The following TTC7B variants were observed in gnomAD, a reference collection of about 807,000 sequenced individuals.
TTC7B encodes the protein tetratricopeptide repeat protein 7B.
In TTC7B, 28 loss-of-function variants were observed where a neutral mutation model predicts 106.8. The ratio of observed to expected loss-of-function variants is 0.26; its 90% CI spans 0.19 to 0.36. TTC7B has a LOEUF of 0.36. Among genes scored for constraint, TTC7B ranks in the 10% least tolerant of loss-of-function variants. The pLI, the probability that TTC7B is intolerant of heterozygous loss-of-function variation, is 1.00. For missense variants in TTC7B, 862 were observed against 1,076.4 expected, an observed-to-expected ratio of 0.80 and a Z score of 2.79; for synonymous variants, 405 against 430.6, an observed-to-expected ratio of 0.94 and a Z score of 0.74.
intron 3 of TTC7B, among the ~76,000 whole-genome samples, chr14:90,749,420 T>C (rs1357753477): frequency 1.8e-5 from 2 of 109,590 alleles, no homozygotes; most frequent in South Asian, 3.0e-4. Context: ...TTTTTTTTTT[T>C]TTGAGACAGA....
intron 3 of TTC7B, among the ~76,000 whole-genome samples, chr14:90,752,055 TGGGACATCACAC>T (rs1330108209): frequency 6.6e-6 from 1 of 152,152 alleles, no homozygotes; most frequent in East Asian, 1.9e-4. Context: ...AGCAGACCAA[TGGGACATCACAC>T]GGGGAGGGGT....
chr14:90,672,847 G>A (rs1478783381), intron 9 of TTC7B, among the ~76,000 whole-genome samples: 1 of 152,218 alleles, frequency 6.6e-6, no homozygotes, highest in South Asian at 2.1e-4. Flanking sequence ...GCAGCATACA[G>A]TTGCCTCTTA....
At chr14:90,553,074 T>A (rs1890154367) in intron 19 of TTC7B, among the ~76,000 whole-genome samples, 1 of 152,090 alleles carries the variant, frequency 6.6e-6, no homozygotes, top group Non-Finnish European at 1.5e-5. Flanking sequence ...CCCAGGGGGC[T>A]CTTCCTCAGG....
chr14:90,559,048 T>A (rs1441710756), intron 19 of TTC7B, among the ~76,000 whole-genome samples: 1 of 152,184 alleles, frequency 6.6e-6, no homozygotes, highest in Non-Finnish European at 1.5e-5. Context: ...ACCACTTCAA[T>A]ATGGAATAAT....
chr14:90,635,441 C>A (rs1475969755), intron 15 of TTC7B, among the ~76,000 whole-genome samples: 1 of 151,982 alleles, frequency 6.6e-6, no homozygotes, highest in Non-Finnish European at 1.5e-5. Context: ...ATTCCAGATA[C>A]CATAAGCCTG....
intron 19 of TTC7B, among the ~76,000 whole-genome samples, chr14:90,546,792 G>C (rs1336389539): frequency 6.6e-6 from 1 of 152,170 alleles, no homozygotes; most frequent in Non-Finnish European, 1.5e-5. Flanking sequence ...GGATAGAGTG[G>C]GTAAGCGCAG....
intron 5 of TTC7B, among the ~76,000 whole-genome samples, chr14:90,703,618 T>C (rs1480300911): frequency 6.6e-6 from 1 of 151,650 alleles, no homozygotes; most frequent in African/African-American, 2.4e-5. Context: ...TGTGCAGGGG[T>C]CAGCAGTCCA....
intron 4 of TTC7B, among the ~76,000 whole-genome samples, chr14:90,733,162 C>G (rs574930089): frequency 7.9e-5 from 12 of 152,066 alleles, no homozygotes; most frequent in Middle Eastern, 3.4e-3. Flanking sequence ...GGAAAGTAAC[C>G]CACTGTGTCT....
At chr14:90,751,981 G>C (rs1385787346) in intron 3 of TTC7B, among the ~76,000 whole-genome samples, 2 of 152,128 alleles carry the variant, frequency 1.3e-5, no homozygotes, top group African/African-American at 4.8e-5. Flanking sequence ...TGTCCTAGAG[G>C]GGCAACAAGG....
chr14:90,724,509 C>T (rs1889014214), intron 5 of TTC7B, among the ~76,000 whole-genome samples: 1 of 152,194 alleles, frequency 6.6e-6, no homozygotes, highest in Admixed American at 6.5e-5. Context: ...CTTGGTACTC[C>T]TCATGATAAC....
In TTC7B at chr14:90,600,302, CCTTGCACCGCG is replaced by C. The variant is rs1892372834; in HGVS notation, c.1967-6687_1967-6677del. On this transcript the variant is annotated intron_variant, in intron 17 of 19. Coordinates refer to ENST00000328459, the MANE Select transcript of TTC7B (RefSeq NM_001010854.2). This position sits in a 1 kb window ranked among gnomAD's most constrained non-coding sequence, Gnocchi z 4.3. Reference sequence around the variant, plus strand: ...GAGGAGGCGACTCCAGGTGGTGGCTCCTTGCACCGCGCTGTCACAGCTCTCCTCTCCATCTG... The same window carrying C: ...GAGGAGGCGACTCCAGGTGGTGGCTCCTGTCACAGCTCTCCTCTCCATCTG... Among the ~76,000 whole-genome samples the C allele has an allele frequency of 6.6e-6, 1 of 152,184 alleles. No homozygotes were observed. Among genetic ancestry groups the C allele is most frequent in the African/African-American group, 2.4e-5 (1 of 41,444 alleles).
chr14:90,555,032 T>C lies in TTC7B; in HGVS notation c.2311-13443A>G, dbSNP rs551812545. On this transcript the variant is annotated intron_variant, in intron 19 of 19. Transcript: ENST00000328459. Reference sequence around the variant, plus strand: ...TCCAGGTCAGGAGAAGGAGGGCAAGTACCTGGTTCAGTTACCAAGCCAGGT... The same window carrying C: ...TCCAGGTCAGGAGAAGGAGGGCAAGCACCTGGTTCAGTTACCAAGCCAGGT... Among the ~76,000 whole-genome samples, 13 of 152,340 alleles carry C rather than the reference T, an allele frequency of 8.5e-5. No individual in the cohort carries two copies. In the East Asian group the frequency reaches 2.5e-3, roughly 29 times the overall value.
At chr14:90,544,426 T>G (rs1242533839) in intron 19 of TTC7B, among the ~76,000 whole-genome samples, 1 of 152,216 alleles carries the variant, frequency 6.6e-6, no homozygotes, top group African/African-American at 2.4e-5. Context: ...TCCTGGTGCC[T>G]GCCTGAAGGG....
At chr14:90,751,451 G>A (rs1890132031) in intron 3 of TTC7B, among the ~76,000 whole-genome samples, 1 of 152,198 alleles carries the variant, frequency 6.6e-6, no homozygotes, top group African/African-American at 2.4e-5. Flanking sequence ...CTGCAGTACA[G>A]TGGCATAATC....
chr14:90,644,069 C>T lies in TTC7B; in HGVS notation c.1730G>A (p.Ser577Asn), dbSNP rs1396940043. ...DALNIIDMAL[S>N]EYPENFILLF... ...TTACATGAAATTTTCTGGGTATTCA[C>T]TCAGGGCCATGTCGATGATGTTCAG... The change falls in exon 15 of 20, where the codon AGT (serine) becomes AAT (asparagine). Residue 577 changes from serine to asparagine, a missense_variant. Coordinates refer to ENST00000328459, the MANE Select transcript of TTC7B (RefSeq NM_001010854.2). The T allele has an allele frequency of 1.2e-6, 2 of 1,614,112 alleles. No individual in the cohort carries two copies. Among genetic ancestry groups the T allele is most frequent in the African/African-American group, 2.7e-5 (2 of 75,004 alleles).
At chr14:90,659,160 T>C (rs1308027882) in intron 9 of TTC7B, among the ~76,000 whole-genome samples, 1 of 152,080 alleles carries the variant, frequency 6.6e-6, no homozygotes, top group Non-Finnish European at 1.5e-5. Context: ...CTGGCTTGCA[T>C]ACCTGGGGGA....
At chr14:90,571,415 GA>G (rs1053104439) in intron 19 of TTC7B, among the ~76,000 whole-genome samples, 1 of 152,190 alleles carries the variant, frequency 6.6e-6, no homozygotes, top group Non-Finnish European at 1.5e-5. Flanking sequence ...AGGCAAGAGA[GA>G]AATGAGGGCC....
chr14:90,710,059 A>G (rs1051483168), intron 5 of TTC7B, among the ~76,000 whole-genome samples: 1 of 150,818 alleles, frequency 6.6e-6, no homozygotes, highest in African/African-American at 2.4e-5. Context: ...TCTACTTGAA[A>G]AAAAAAAAAA....
chr14:90,693,526 C>T (rs1442339911), intron 6 of TTC7B, among the ~76,000 whole-genome samples: 2 of 152,162 alleles, frequency 1.3e-5, no homozygotes, highest in Non-Finnish European at 2.9e-5. Flanking sequence ...AACACCCTGG[C>T]AGCCACGAGG....
Sources: allele counts gnomAD v4.1 joint callset (sites outside exome capture counted in the v4.1 genomes callset), GRCh38; gene constraint gnomAD v4.1.1; non-coding constraint Gnocchi (gnomAD v3.1); transcripts MANE v1.5; gene names NCBI Gene and HGNC (gene_info 2026-07-23, HGNC 2026-07-21).